The following CNTN3 variants were observed in gnomAD, a reference collection of about 807,000 sequenced individuals.
The protein encoded by CNTN3 is contactin-3.
CNTN3 carries 60 observed loss-of-function variants against 119.1 expected under a neutral mutation model. The observed-to-expected ratio is 0.50, with a 90% CI of 0.41 to 0.62. The LOEUF is 0.62. Among genes scored for constraint, CNTN3 ranks in the 20% least tolerant of loss-of-function variants. The pLI is 0.00. For missense variants in CNTN3, 1,101 were observed against 1,242.4 expected (o/e 0.89, Z 1.71); for synonymous variants, 450 against 438.7 (o/e 1.03, Z -0.32).
intron 4 of CNTN3, among the ~76,000 whole-genome samples, chr3:74,440,707 G>T (rs570198009): frequency 2.9e-4 from 44 of 152,094 alleles, no homozygotes; most frequent in Admixed American, 2.2e-3. Context: ...GAACATGCAG[G>T]TTTGTTACAA....
At chr3:74,575,491 C>G (rs191895103) in intron 1 of CNTN3, among the ~76,000 whole-genome samples, 1 of 152,084 alleles carries the variant, frequency 6.6e-6, no homozygotes, top group East Asian at 1.9e-4. Flanking sequence ...ATTTCGTGAT[C>G]TGCCCACCTC....
At chr3:74,305,730 G>A (rs1702549919) in intron 13 of CNTN3, among the ~76,000 whole-genome samples, 1 of 150,906 alleles carries the variant, frequency 6.6e-6, no homozygotes, top group Non-Finnish European at 1.5e-5. Context: ...GAAGCACCAT[G>A]AGGACATCTA....
intron 4 of CNTN3, among the ~76,000 whole-genome samples, chr3:74,439,259 C>A (rs893198473): frequency 2.6e-4 from 40 of 152,200 alleles, no homozygotes; most frequent in African/African-American, 9.4e-4. Flanking sequence ...GTAGTCCTAG[C>A]ACTTTGGGAG....
chr3:74,517,126 CA>C (rs1270869812), intron 2 of CNTN3, among the ~76,000 whole-genome samples: 1 of 151,878 alleles, frequency 6.6e-6, no homozygotes, highest in African/African-American at 2.4e-5. Flanking sequence ...ATTAGAGAGC[CA>C]GAATCCATCT....
intron 1 of CNTN3, among the ~76,000 whole-genome samples, chr3:74,589,741 A>G (rs1370847223): frequency 1.3e-5 from 2 of 151,528 alleles, no homozygotes; most frequent in African/African-American, 2.4e-5. Flanking sequence ...GATTAAGAAA[A>G]TGTGGCACAT....
chr3:74,440,113 TGTAA>T (rs889082286), intron 4 of CNTN3, among the ~76,000 whole-genome samples: 2 of 152,206 alleles, frequency 1.3e-5, no homozygotes, highest in African/African-American at 4.8e-5. Flanking sequence ...CCTATGTTCC[TGTAA>T]GTTTTTTCAA....
At chr3:74,563,188 C>T (rs1394239176) in intron 1 of CNTN3, among the ~76,000 whole-genome samples, 10 of 152,192 alleles carry the variant, frequency 6.6e-5, no homozygotes, top group African/African-American at 2.4e-4. Flanking sequence ...GTGCTTCTTT[C>T]GGTTGCCAAG....
At chr3:74,279,438 T>C (rs1407294116) in intron 20 of CNTN3, among the ~76,000 whole-genome samples, 3 of 151,964 alleles carry the variant, frequency 2.0e-5, no homozygotes, top group African/African-American at 4.8e-5. Flanking sequence ...CACACACACA[T>C]ATGATGGAAT....
chr3:74,477,238 C>A (rs144384995), intron 4 of CNTN3, among the ~76,000 whole-genome samples: 1 of 152,098 alleles, frequency 6.6e-6, no homozygotes, highest in Non-Finnish European at 1.5e-5. Context: ...TTAGAATCTG[C>A]CCAAAGTCAC....
At chr3:74,437,056 T>C (rs904019270) in intron 4 of CNTN3, among the ~76,000 whole-genome samples, 4 of 152,222 alleles carry the variant, frequency 2.6e-5, no homozygotes, top group South Asian at 4.1e-4. Context: ...CAATTTTTCA[T>C]ATAACAGAGT....
rs1701371176 is a variant in CNTN3 at position 74,408,275 on chromosome 3, A to G, written c.454+16570T>C. Among the ~76,000 whole-genome samples the G allele has an allele frequency of 2.6e-5, 4 of 152,206 alleles. 1 individual carries two copies. In the South Asian group the frequency reaches 6.2e-4, roughly 24 times the overall value. On this transcript the variant is annotated intron_variant, in intron 5 of 22. Transcript: ENST00000263665. ...TGAGATGCTTTTGAAAATCTGATCTAACTAATGTTTAAAAAAAAGGAAAAC... is the reference window on the plus strand; with the variant it reads ...TGAGATGCTTTTGAAAATCTGATCTGACTAATGTTTAAAAAAAAGGAAAAC...
intron 2 of CNTN3, among the ~76,000 whole-genome samples, chr3:74,502,822 C>T (rs1241825949): frequency 2.0e-5 from 3 of 152,114 alleles, no homozygotes; most frequent in Non-Finnish European, 2.9e-5. Context: ...TCACAGATAT[C>T]AAAGCACATC....
At chr3:74,454,666 T>G (rs1371823266) in intron 4 of CNTN3, among the ~76,000 whole-genome samples, 1 of 152,140 alleles carries the variant, frequency 6.6e-6, no homozygotes, top group African/African-American at 2.4e-5. Context: ...TTCCTTTCCA[T>G]GTCTAGTGCT....
chr3:74,587,413 T>A (rs968744323), intron 1 of CNTN3, among the ~76,000 whole-genome samples: 1 of 152,002 alleles, frequency 6.6e-6, no homozygotes, highest in Non-Finnish European at 1.5e-5. Flanking sequence ...GCACAACTTA[T>A]CATGTTCCCT....
intron 13 of CNTN3, among the ~76,000 whole-genome samples, chr3:74,327,296 T>C (rs1703157785): frequency 6.6e-6 from 1 of 151,724 alleles, no homozygotes; most frequent in Non-Finnish European, 1.5e-5. Flanking sequence ...GCCTGGCTAA[T>C]TTTTGTATTT....
chr3:74,523,589 G>A (rs1703574098), intron 1 of CNTN3, among the ~76,000 whole-genome samples: 1 of 151,714 alleles, frequency 6.6e-6, no homozygotes, highest in Non-Finnish European at 1.5e-5. Context: ...TAACTTAGAA[G>A]GAATTCGGCA....
At chr3:74,591,973 C>T (rs754089879) in intron 1 of CNTN3, among the ~76,000 whole-genome samples, 22 of 151,852 alleles carry the variant, frequency 1.4e-4, no homozygotes, top group Non-Finnish European at 2.9e-4. Context: ...TCAGTCCAGG[C>T]TGAGGCTCAG....
chr3:74,559,849 A>G (rs1355476045), intron 1 of CNTN3, among the ~76,000 whole-genome samples: 6 of 152,178 alleles, frequency 3.9e-5, no homozygotes, highest in Non-Finnish European at 8.8e-5. Flanking sequence ...GTGACCGATA[A>G]CCAGAATTAT....
chr3:74,468,828 A>G (rs1702509953), intron 4 of CNTN3, among the ~76,000 whole-genome samples: 1 of 152,204 alleles, frequency 6.6e-6, no homozygotes, highest in East Asian at 1.9e-4. Flanking sequence ...TCTCCTCCAG[A>G]TGACAGATTT....
Sources: gnomAD v4.1 joint callset for allele counts (sites outside exome capture counted in the v4.1 genomes callset) on GRCh38, gnomAD v4.1.1 for gene constraint, MANE v1.5 for transcripts, NCBI Gene and HGNC (gene_info 2026-07-23, HGNC 2026-07-21) for gene names.